ZNF687: variants seen among roughly 807,000 people sequenced by gnomAD.
The protein encoded by ZNF687 is zinc finger protein 687.
Under a neutral mutation model 71.8 loss-of-function variants are expected in ZNF687, and 13 were observed. The observed-to-expected ratio is 0.18, with a 90% CI of 0.12 to 0.29. The LOEUF is 0.29. Among genes scored for constraint, ZNF687 ranks in the 10% least tolerant of loss-of-function variants. The pLI, the probability that ZNF687 is intolerant of heterozygous loss-of-function variation, is 1.00. For missense variants in ZNF687, 1,412 were observed against 1,625.6 expected, an observed-to-expected ratio of 0.87 and a Z score of 2.26; for synonymous variants, 673 against 641.6, an observed-to-expected ratio of 1.05 and a Z score of -0.74.
chr1:151,282,440 T>C (rs922487704), intron 1 of ZNF687, 45 bp downstream of exon 1: 1 of 978,162 alleles, frequency 1.0e-6, no homozygotes, highest in Non-Finnish European at 1.2e-6. Context: ...TCCGCCCCCT[T>C]GGGGGGGGCG....
At position 151,289,852 on chromosome 1, in the gene ZNF687, C is replaced by T. The variant is rs760983543; in HGVS notation, c.2809C>T (p.Pro937Ser). The change falls in exon 6 of 9, where the codon CCC becomes TCC. Residue 937 changes from proline (P) to serine (S), a missense_variant. By Grantham distance (74) the Pro-to-Ser change is moderately conservative. Coordinates refer to ENST00000336715, the MANE Select transcript of ZNF687 (RefSeq NM_020832.3). ...GGAGGAAGTACCCAGCTCCCCTGAG[C>T]CCCCCCGTCCAGCCAAACGGCCTCG... ...EEEEVPSSPE[P>S]PRPAKRPRRE... 1.9e-6 allele frequency: 3 copies of T among 1,567,740 alleles called. No individual in the cohort carries two copies. The highest frequency in any genetic ancestry group is 1.7e-4 in the Middle Eastern group (1 of 5,992).
rs1571100035 is a variant in ZNF687 at position 151,288,391 on chromosome 1, T to C, written c.2100T>C (p.Pro700=). ...TCCAGCAGCTCGGCCCCCCTGCCCCTGGGGCCACCAGCAATGTGAGTCACC... is the reference window on the plus strand; with the variant it reads ...TCCAGCAGCTCGGCCCCCCTGCCCCCGGGGCCACCAGCAATGTGAGTCACC... ...AHFQQLGPPA[P]GATSNVCPTC... is the part of the protein sequence containing the mutation. Residue 700 remains proline, a synonymous_variant, in exon 2 of 9, where the codon CCT becomes CCC. Coordinates refer to ENST00000336715, the MANE Select transcript of ZNF687 (RefSeq NM_020832.3). The C allele has an allele frequency of 6.2e-7, 1 of 1,604,996 alleles. No individual in the cohort carries two copies. Among genetic ancestry groups the C allele is most frequent in the South Asian group, 1.1e-5 (1 of 90,776 alleles).
rs587726982 is a variant in ZNF687 at position 151,282,550 on chromosome 1, A to G, written c.-18+155A>G. Among the ~76,000 whole-genome samples, 16 of 151,338 alleles carry G rather than the reference A, an allele frequency of 1.1e-4. No individual in the cohort carries two copies. In the South Asian group the frequency reaches 1.5e-3, roughly 14 times the overall value. ...GAAGGCCCAGACACCGCCTCCATCCATTGGGGCGGATGGGCGAAACTCCTG... is the reference window on the plus strand; with the variant it reads ...GAAGGCCCAGACACCGCCTCCATCCGTTGGGGCGGATGGGCGAAACTCCTG... On this transcript the variant is annotated intron_variant, in intron 1 of 8. Transcript: ENST00000336715.
intron 1 of ZNF687, 36 bp downstream of exon 1, chr1:151,282,431 C>A (rs150905736): frequency 7.6e-4 from 748 of 985,822 alleles, no homozygotes; most frequent in Non-Finnish European, 8.7e-4. Context: ...GCCCTTGGCT[C>A]CGCCCCCTTG....
Position 151,288,118 on chromosome 1 carries a change from G to A in ZNF687, c.1827G>A (p.Gly609=). 6.2e-7 allele frequency: 1 copy of A among 1,613,930 alleles called. No homozygotes were observed. Among genetic ancestry groups the A allele is most frequent in the South Asian group, 1.1e-5 (1 of 91,086 alleles). Residue 609 remains glycine, a synonymous_variant, in exon 2 of 9, where the codon GGG becomes GGA. Coordinates refer to ENST00000336715, the MANE Select transcript of ZNF687 (RefSeq NM_020832.3). Reference sequence around the variant, plus strand: ...CTGTAGCCCTTGACCAGATGGTGGGGCAGCCGGACATCACACCGCTGCTGC... The same window carrying A: ...CTGTAGCCCTTGACCAGATGGTGGGACAGCCGGACATCACACCGCTGCTGC... ...MRPVALDQMV[G]QPDITPLLPV... is the part of the protein sequence containing the mutation.
At position 151,287,254 on chromosome 1, in the gene ZNF687, C is replaced by T. The variant is rs201291674; in HGVS notation, c.963C>T (p.Ala321=). 2.5e-6 allele frequency: 4 copies of T among 1,614,044 alleles called. No individual in the cohort carries two copies. In the African/African-American group the frequency reaches 4.0e-5, roughly 16 times the overall value. Residue 321 remains alanine, a synonymous_variant, in exon 2 of 9, where the codon GCC becomes GCT. Transcript: ENST00000336715. The surrounding 1 kb of genome is among the most constrained non-coding windows in gnomAD (Gnocchi z 5.0). ...AADEDSNDSP[A]SSSSRPLKVR... is the part of the protein sequence containing the mutation. The stretch of plus-strand genomic sequence containing the variant: ...ATGAGGACAGCAATGACTCCCCTGC[C>T]TCCAGCTCCTCTAGGCCTCTTAAGG...
rs61739618 is a variant in ZNF687 at position 151,286,818 on chromosome 1, C to G, written c.527C>G (p.Pro176Arg). The G allele has an allele frequency of 6.2e-7, 1 of 1,614,226 alleles. No homozygotes were observed. The highest frequency in any genetic ancestry group is 8.5e-7 in the Non-Finnish European group (1 of 1,180,032). The change falls in exon 2 of 9, where the codon CCG becomes CGG. Residue 176 changes from proline (P) to arginine (R), a missense_variant. Physicochemically the swap from Pro to Arg is moderately radical, Grantham distance 103. Coordinates refer to ENST00000336715, the MANE Select transcript of ZNF687 (RefSeq NM_020832.3). ...CCTGAGCCAGGGGACCACTCAGATC[C>G]GCTGCCTCCCTCTGCACCCTCTCCC... The part of the protein sequence containing the change: ...FGPEPGDHSD[P>R]LPPSAPSPTR...
At chr1:151,289,308 G>C (rs780366251) in intron 4 of ZNF687, 37 bp downstream of exon 4, 1 of 1,612,744 alleles carries the variant, frequency 6.2e-7, no homozygotes, top group South Asian at 1.1e-5. Flanking sequence ...GGCCAGGGAG[G>C]GCTGGTGGGG....
In ZNF687 at chr1:151,289,291, C is replaced by A; in HGVS notation, c.2471+20C>A. On this transcript the variant is annotated intron_variant, in intron 4 of 8. Transcript: ENST00000336715. ...GGCCAAGTGAGGCCCGGGGGAGGGC[C>A]GGGCTGGGCCAGGGAGGGCTGGTGG... The A allele has an allele frequency of 6.2e-7, 1 of 1,612,850 alleles. No individual in the cohort carries two copies. The highest frequency in any genetic ancestry group is 1.1e-5 in the South Asian group (1 of 91,058).
At chr1:151,283,168 G>A (rs756693145) in intron 1 of ZNF687, 2 of 985,376 alleles carry the variant, frequency 2.0e-6, no homozygotes, top group Non-Finnish European at 2.4e-6. Context: ...TGTACACCCC[G>A]CCCCCTCCTC....
At chr1:151,283,148 G>GT in intron 1 of ZNF687, 1 of 985,446 alleles carries the variant, frequency 1.0e-6, no homozygotes, top group Non-Finnish European at 1.2e-6. Flanking sequence ...TTCCCTTGTA[G>GT]TTTCTCATGT....
chr1:151,286,139 G>A (rs1693935191), intron 1 of ZNF687, 136 bp from the exon 2 acceptor site: 3 of 655,026 alleles, frequency 4.6e-6, no homozygotes, highest in South Asian at 2.5e-5. Context: ...TAGGATTCAT[G>A]CCGTGGCGGA....
Position 151,287,060 on chromosome 1 carries a change from G to T in ZNF687, c.769G>T (p.Val257Phe), listed in dbSNP as rs587740800. The T allele has an allele frequency of 6.2e-7, 1 of 1,611,570 alleles. No individual in the cohort carries two copies. Among genetic ancestry groups the T allele is most frequent in the Admixed American group, 1.7e-5 (1 of 59,884 alleles). Residue 257 changes from valine (V) to phenylalanine (F), a missense_variant, in exon 2 of 9, where the codon GTT becomes TTT. Val to Phe is a conservative substitution (Grantham distance 50). Coordinates refer to ENST00000336715, the MANE Select transcript of ZNF687 (RefSeq NM_020832.3). The surrounding 1 kb of genome is among the most constrained non-coding windows in gnomAD (Gnocchi z 5.0). Reference protein sequence around the residue: ...DIPASASPPPVAGVPFFKQSP... With the variant: ...DIPASASPPPFAGVPFFKQSP... ...CCCTGCCAGTGCCTCGCCTCCCCCA[G>T]TTGCTGGGGTGCCCTTCTTCAAGCA...
At chr1:151,289,042 T>A (rs939624108) in intron 3 of ZNF687, 53 bp from the exon 4 acceptor site, 30 of 1,575,034 alleles carry the variant, frequency 1.9e-5, no homozygotes, top group Non-Finnish European at 2.3e-5. Flanking sequence ...GGTCCCGGGG[T>A]GGGCATGGAG....
intron 5 of ZNF687, 31 bp from the exon 6 acceptor site, chr1:151,289,647 C>T (rs2101881136): frequency 1.3e-6 from 2 of 1,592,050 alleles, no homozygotes; most frequent in South Asian, 1.1e-5. Flanking sequence ...CCCTCCCCCA[C>T]AACAGCAACC....
chr1:151,288,221 G>A lies in ZNF687; in HGVS notation c.1930G>A (p.Ala644Thr). 1 of 1,613,710 alleles carries A rather than the reference G, an allele frequency of 6.2e-7. No homozygotes were observed. The highest frequency in any genetic ancestry group is 8.5e-7 in the Non-Finnish European group (1 of 1,180,010). ...GKGEGAITSS[A>T]ITTVAAEAPV... ...GGGTGAGGGGGCCATCACCTCCTCT[G>A]CCATTACTACAGTTGCTGCTGAGGC... Residue 644 changes from alanine (A) to threonine (T), a missense_variant, in exon 2 of 9, where the codon GCC (alanine) becomes ACC (threonine). By Grantham distance (58) the Ala-to-Thr change is moderately conservative. Transcript: ENST00000336715.
chr1:151,289,876 C>G lies in ZNF687; in HGVS notation c.2833C>G (p.Arg945Gly). ...PEPPRPAKRP[R>G]RELGSKGLKG... ...GCCCCCCCGTCCAGCCAAACGGCCT[C>G]GGCGGGAACTAGGGAGCAAAGGCCT... Residue 945 changes from arginine to glycine, a missense_variant, in exon 6 of 9, where the codon CGG (arginine) becomes GGG (glycine). Physicochemically the swap from Arg to Gly is moderately radical, Grantham distance 125 (BLOSUM62 -2). Around this residue, in one of 8 missense-constraint regions of ZNF687, gnomAD observed 135 missense variants for 104.1 expected, o/e 1.30. Transcript: ENST00000336715. The G allele has an allele frequency of 6.4e-7, 1 of 1,563,316 alleles. No homozygotes were observed. Among genetic ancestry groups the G allele is most frequent in the Non-Finnish European group, 8.7e-7 (1 of 1,153,094 alleles).
At position 151,286,637 on chromosome 1, in the gene ZNF687, G is replaced by A. The variant is rs112780836; in HGVS notation, c.346G>A (p.Gly116Arg). The change falls in exon 2 of 9, where the codon GGG becomes AGG. Residue 116 changes from glycine (G) to arginine (R), a missense_variant. Transcript: ENST00000336715. Reference sequence around the variant, plus strand: ...CCAGGCTGCTGGGGTAACTAAAGAAGGGCCTGTGGGGCCTCATCGAATGCA... The same window carrying A: ...CCAGGCTGCTGGGGTAACTAAAGAAAGGCCTGTGGGGCCTCATCGAATGCA... ...GAQAAGVTKE[G>R]PVGPHRMQNG... 10,269 of 1,614,190 alleles carry A rather than the reference G, an allele frequency of 6.4e-3. 63 individuals are homozygous for A. Among genetic ancestry groups the A allele is most frequent in the Middle Eastern group, 0.011 (65 of 6,062 alleles).
rs927534873 is a variant in ZNF687 at position 151,283,437 on chromosome 1, C to T, written c.-18+1042C>T. ...GGAGATAGGAGCCCTAGAGACAGGG[C>T]TCAGCAGTCGCAGGAAGGCCTGATC... On this transcript the variant is annotated intron_variant, in intron 1 of 8. Transcript: ENST00000336715. 3.1e-4 allele frequency: 146 copies of T among 465,500 alleles called. 1 individual carries two copies. Among genetic ancestry groups the T allele is most frequent in the Admixed American group, 1.2e-3 (19 of 15,620 alleles). The allele number at this position is 465,500 out of a possible 1,614,324, so 28.8% of individuals were successfully genotyped here.
Sources: gnomAD v4.1 joint callset for allele counts (sites outside exome capture counted in the v4.1 genomes callset) on GRCh38, gnomAD v4.1.1 for gene constraint, gnomAD v4.1.1 regional missense constraint, Gnocchi (gnomAD v3.1) non-coding constraint, MANE v1.5 for transcripts, NCBI Gene and HGNC (gene_info 2026-07-23, HGNC 2026-07-21) for gene names.